ANKS1B: variants seen among roughly 807,000 people sequenced by gnomAD.
The protein encoded by ANKS1B is ankyrin repeat and sterile alpha motif domain-containing protein 1B.
Under a neutral mutation model 148.3 loss-of-function variants are expected in ANKS1B, and 36 were observed. The ratio of observed to expected loss-of-function variants is 0.24; its 90% CI spans 0.19 to 0.32. The LOEUF (loss-of-function observed/expected upper bound fraction) is 0.32, where lower values mean the gene tolerates loss of function less well. ANKS1B is among the 10% of genes least tolerant of loss of function. The pLI is 1.00. For synonymous variants in ANKS1B, 542 were observed against 560.8 expected, an observed-to-expected ratio of 0.97 and a Z score of 0.47; for missense variants, 1,157 against 1,542.6, an observed-to-expected ratio of 0.75 and a Z score of 4.19.
intron 1 of ANKS1B, among the ~76,000 whole-genome samples, chr12:99,928,572 CT>C (rs2094534320): frequency 6.6e-6 from 1 of 152,198 alleles, no homozygotes; most frequent in Non-Finnish European, 1.5e-5. Flanking sequence ...GCCACCGCGC[CT>C]GGCCTCACCT....
chr12:99,397,027 T>A lies in ANKS1B; in HGVS notation c.1756+2604A>T, dbSNP rs749429688. 2.7e-5 allele frequency among the ~76,000 whole-genome samples: 4 copies of A among 150,932 alleles called. 1 individual carries two copies. The highest frequency in any genetic ancestry group is 2.0e-4 in the Admixed American group (3 of 15,212). On this transcript the variant is annotated intron_variant, in intron 12 of 26. Transcript: ENST00000683438. Reference sequence around the variant, plus strand: ...CCCTTCCCAGGTCCACATACCACTATTTTTTGTTTTTACAAATCACATCTC... The same window carrying A: ...CCCTTCCCAGGTCCACATACCACTAATTTTTGTTTTTACAAATCACATCTC...
chr12:99,435,950 G>T (rs1356278924), intron 11 of ANKS1B, among the ~76,000 whole-genome samples: 2 of 151,928 alleles, frequency 1.3e-5, no homozygotes, highest in African/African-American at 4.8e-5. Flanking sequence ...TGACTGTTGG[G>T]TCCTGTTGCC....
intron 8 of ANKS1B, among the ~76,000 whole-genome samples, chr12:99,724,882 CAG>C: frequency 6.6e-6 from 1 of 152,250 alleles, no homozygotes; most frequent in East Asian, 1.9e-4. Flanking sequence ...ATTTTCAACT[CAG>C]AATTTCATAT....
intron 11 of ANKS1B, among the ~76,000 whole-genome samples, chr12:99,429,337 A>T (rs144444397): frequency 6.6e-6 from 1 of 152,344 alleles, no homozygotes; most frequent in African/African-American, 2.4e-5. Flanking sequence ...TCTGACAAAG[A>T]TACATACCCT....
chr12:98,811,329 CCTT>C (rs915625200), intron 19 of ANKS1B, among the ~76,000 whole-genome samples: 1 of 152,182 alleles, frequency 6.6e-6, no homozygotes, highest in African/African-American at 2.4e-5. Context: ...ACCCCAGACT[CCTT>C]CTGCACATCC....
chr12:99,257,135 T>C (rs1032848087), intron 12 of ANKS1B, among the ~76,000 whole-genome samples: 2 of 151,938 alleles, frequency 1.3e-5, no homozygotes, highest in African/African-American at 2.4e-5. Context: ...TCCCAGCTAC[T>C]CCGGAGGCTG....
intron 15 of ANKS1B, among the ~76,000 whole-genome samples, chr12:99,109,440 CA>C (rs1023834801): frequency 2.0e-5 from 3 of 152,068 alleles, no homozygotes; most frequent in Non-Finnish European, 4.4e-5. Flanking sequence ...CAGACACACC[CA>C]AGACAGAGGT....
intron 20 of ANKS1B, among the ~76,000 whole-genome samples, chr12:98,805,183 T>G (rs2099040583): frequency 6.6e-6 from 1 of 152,168 alleles, no homozygotes; most frequent in Non-Finnish European, 1.5e-5. Context: ...CTTAAAATAT[T>G]TACAGAAAAT....
intron 2 of ANKS1B, among the ~76,000 whole-genome samples, chr12:99,814,033 T>C (rs1472761858): frequency 6.6e-6 from 1 of 151,746 alleles, no homozygotes; most frequent in East Asian, 1.9e-4. Flanking sequence ...ATACTTTCTG[T>C]ATCTATTGTG....
At chr12:99,211,716 G>A (rs527680431) in intron 14 of ANKS1B, among the ~76,000 whole-genome samples, 1 of 152,314 alleles carries the variant, frequency 6.6e-6, no homozygotes, top group East Asian at 1.9e-4. Flanking sequence ...TTGAACACAT[G>A]ACATCAAGTG....
chr12:99,227,975 C>T (rs985435662), intron 14 of ANKS1B, among the ~76,000 whole-genome samples: 1 of 151,886 alleles, frequency 6.6e-6, no homozygotes, highest in African/African-American at 2.4e-5. Context: ...CCTAGAAGAA[C>T]CTCATTGAAA....
At chr12:99,312,019 G>A (rs1416639630) in intron 12 of ANKS1B, among the ~76,000 whole-genome samples, 3 of 152,116 alleles carry the variant, frequency 2.0e-5, no homozygotes, top group Non-Finnish European at 4.4e-5. Flanking sequence ...GAGTGTACTC[G>A]AAGCATTTGG....
At chr12:99,973,569 G>A (rs1216462004) in intron 1 of ANKS1B, among the ~76,000 whole-genome samples, 2 of 152,196 alleles carry the variant, frequency 1.3e-5, no homozygotes, top group Admixed American at 1.3e-4. Context: ...GTGACAGAGT[G>A]AGACCCTATC....
chr12:99,342,056 TGTGCCAGTACTCTTCTA>T (rs1385280770), intron 12 of ANKS1B, among the ~76,000 whole-genome samples: 1 of 152,098 alleles, frequency 6.6e-6, no homozygotes, highest in Non-Finnish European at 1.5e-5. Context: ...ATACCTACTA[TGTGCCAGTACTCTTCTA>T]GAGACCTAGG....
chr12:99,822,647 C>G (rs2082654600), intron 2 of ANKS1B, among the ~76,000 whole-genome samples: 1 of 152,196 alleles, frequency 6.6e-6, no homozygotes, highest in South Asian at 2.1e-4. Context: ...GCATAGTATT[C>G]CATGGTGCAT....
intron 1 of ANKS1B, among the ~76,000 whole-genome samples, chr12:99,931,149 C>T (rs2153808280): frequency 6.6e-6 from 1 of 151,850 alleles, no homozygotes; most frequent in Admixed American, 6.6e-5. Flanking sequence ...AATGAGAACA[C>T]ACGGACACAG....
chr12:99,557,504 C>G (rs1430342355), intron 9 of ANKS1B, among the ~76,000 whole-genome samples: 1 of 152,194 alleles, frequency 6.6e-6, no homozygotes, highest in Non-Finnish European at 1.5e-5. Context: ...TTTTTCACCT[C>G]TATCAGATGA....
intron 11 of ANKS1B, among the ~76,000 whole-genome samples, chr12:99,424,379 T>A (rs955895804): frequency 6.6e-6 from 1 of 152,108 alleles, no homozygotes; most frequent in Non-Finnish European, 1.5e-5. Context: ...AATCTAGGTT[T>A]GGAATATAGA....
intron 16 of ANKS1B, among the ~76,000 whole-genome samples, chr12:99,080,580 A>G (rs912221369): frequency 2.0e-5 from 3 of 152,242 alleles, no homozygotes; most frequent in Non-Finnish European, 4.4e-5. Flanking sequence ...CAGATGCGAT[A>G]TGAGCCTTGA....
Sources: gnomAD v4.1 joint callset for allele counts (sites outside exome capture counted in the v4.1 genomes callset) on GRCh38, gnomAD v4.1.1 for gene constraint, MANE v1.5 for transcripts, NCBI Gene and HGNC (gene_info 2026-07-23, HGNC 2026-07-21) for gene names.